The following DNAAF3 variants were observed in gnomAD, a reference collection of about 807,000 sequenced individuals.
DNAAF3 encodes the protein dynein axonemal assembly factor 3.
DNAAF3 carries 40 observed loss-of-function variants against 50.9 expected under a neutral mutation model. The observed-to-expected ratio is 0.79, with a 90% CI of 0.61 to 1.02. DNAAF3 has a LOEUF of 1.02. Ranked by LOEUF, DNAAF3 falls within the 50% of genes least tolerant of loss-of-function variation. The probability of loss-of-function intolerance (pLI) is 0.00; values close to 1 mark genes in which losing one functional copy is unlikely to be tolerated. For synonymous variants in DNAAF3, 327 were observed against 322.8 expected (o/e 1.01, Z -0.14); for missense variants, 763 against 744.7 (o/e 1.02, Z -0.29).
intron 3 of DNAAF3, 197 bp downstream of exon 3, chr19:55,165,661 C>G: frequency 9.8e-7 from 1 of 1,020,890 alleles, no homozygotes; most frequent in South Asian, 1.6e-5. Context: ...TCGAGCTCTT[C>G]CCCACTATAG....
chr19:55,160,896 G>A lies in DNAAF3; in HGVS notation c.913-121C>T. ...CAGCTGCTTGGAGGATGTGAAGTGG[G>A]GCGGGACCTATCCCGCGGGGATGGG... On this transcript the variant is annotated intron_variant, in intron 8 of 11. Transcript: ENST00000524407. The surrounding 1 kb of genome is among the most constrained non-coding windows in gnomAD (Gnocchi z 4.7). The A allele has an allele frequency of 2.0e-6, 3 of 1,464,686 alleles. No individual in the cohort carries two copies. Among genetic ancestry groups the A allele is most frequent in the Non-Finnish European group, 1.8e-6 (2 of 1,110,628 alleles). 90.7% of individuals were successfully genotyped at this position (1,464,686 alleles called of 1,614,324 possible).
In DNAAF3 at chr19:55,166,399, G is replaced by C; in HGVS notation, c.15C>G (p.Ala5=). ...CGGAGCCGAAGCCGCTGCCGGAGCC[G>C]GCAGGTGTGGTCATCACCCTGCGGA... MTTP[A]GSGSGFGSVS... The change falls in exon 2 of 12, where the codon GCC becomes GCG. Residue 5 remains alanine, a synonymous_variant. Transcript: ENST00000524407. This position sits in a 1 kb window ranked among gnomAD's most constrained non-coding sequence, Gnocchi z 4.0. 6.2e-7 allele frequency: 1 copy of C among 1,613,842 alleles called. No individual in the cohort carries two copies. Among genetic ancestry groups the C allele is most frequent in the Non-Finnish European group, 8.5e-7 (1 of 1,179,908 alleles).
Position 55,161,306 on chromosome 19 carries a change from C to T in DNAAF3, c.776G>A (p.Arg259His), listed in dbSNP as rs760466882. 1.4e-5 allele frequency: 23 copies of T among 1,609,866 alleles called. No individual in the cohort carries two copies. The highest frequency in any genetic ancestry group is 1.9e-5 in the Non-Finnish European group (22 of 1,178,026). ...GTGGACACGCACGTAGCTCAGGAGG[C>T]GACCGGACGCCAGGGTCCGGTTGGG... ...HVPNRTLASGRLLSYRGERVA... is the reference protein window; with the variant it reads ...HVPNRTLASGHLLSYRGERVA... Residue 259 changes from arginine (R) to histidine (H), a missense_variant, in exon 7 of 12, where the codon CGC becomes CAC. By Grantham distance (29) the Arg-to-His change is conservative (BLOSUM62 0). Coordinates refer to ENST00000524407, the MANE Select transcript of DNAAF3 (RefSeq NM_001256715.2). The surrounding 1 kb of genome is among the most constrained non-coding windows in gnomAD (Gnocchi z 6.4).
rs1274020104 is a variant in DNAAF3 at position 55,159,975 on chromosome 19, G to T, written c.1087C>A (p.Pro363Thr). Residue 363 changes from proline (P) to threonine (T), a missense_variant, in exon 10 of 12, where the codon CCG (proline) becomes ACG (threonine). By Grantham distance (38) the Pro-to-Thr change is conservative (BLOSUM62 -1). Coordinates refer to ENST00000524407, the MANE Select transcript of DNAAF3 (RefSeq NM_001256715.2). Reference protein sequence around the residue: ...TPESFTVHFLPLNSAQTLHHK... With the variant: ...TPESFTVHFLTLNSAQTLHHK... ...TGGAGAGTCTGAGCAGAATTGAGCGGCAGGAAGTGGACGGTGAAAGATTCC... is the reference window on the plus strand; with the variant it reads ...TGGAGAGTCTGAGCAGAATTGAGCGTCAGGAAGTGGACGGTGAAAGATTCC... 6.2e-7 allele frequency: 1 copy of T among 1,613,940 alleles called. No individual in the cohort carries two copies. Among genetic ancestry groups the T allele is most frequent in the Non-Finnish European group, 8.5e-7 (1 of 1,179,988 alleles).
chr19:55,163,520 G>A (rs1395373624), intron 4 of DNAAF3, among the ~76,000 whole-genome samples: 1 of 150,824 alleles, frequency 6.6e-6, no homozygotes, highest in Non-Finnish European at 1.5e-5. Flanking sequence ...TCAAACTCGT[G>A]GTCTCAAGCA....
rs755299958 is a variant in DNAAF3, at chr19:55,159,324, C to T, written c.1364G>A (p.Cys455Tyr). The change falls in exon 12 of 12, where the codon TGC becomes TAC. Residue 455 changes from cysteine (C) to tyrosine (Y), a missense_variant. By Grantham distance (194) the Cys-to-Tyr change is radical. Transcript: ENST00000524407. The part of the protein sequence containing the change: ...ARPSETFARF[C>Y]KSQESALGNT... Reference sequence around the variant, plus strand: ...GCCCAGAGCTGATTCCTGGGACTTGCAGAAACGTGCGAAGGTCTCTGAAGG... The same window carrying T: ...GCCCAGAGCTGATTCCTGGGACTTGTAGAAACGTGCGAAGGTCTCTGAAGG... 3.1e-6 allele frequency: 5 copies of T among 1,614,142 alleles called. No homozygotes were observed. Among genetic ancestry groups the T allele is most frequent in the Non-Finnish European group, 3.4e-6 (4 of 1,180,034 alleles).
At position 55,166,145 on chromosome 19, in the gene DNAAF3, C is replaced by A; in HGVS notation, c.86-145G>T. ...AGGGGAGGTGTTTCCTCTGAGTATTCTGGGATTCGCAGTCCGCAGACAGGA... is the reference window on the plus strand; with the variant it reads ...AGGGGAGGTGTTTCCTCTGAGTATTATGGGATTCGCAGTCCGCAGACAGGA... On this transcript the variant is annotated intron_variant, in intron 2 of 11. Coordinates refer to ENST00000524407, the MANE Select transcript of DNAAF3 (RefSeq NM_001256715.2). The surrounding 1 kb of genome is among the most constrained non-coding windows in gnomAD (Gnocchi z 4.0). 1 of 1,556,198 alleles carries A rather than the reference C, an allele frequency of 6.4e-7. No homozygotes were observed. Among genetic ancestry groups the A allele is most frequent in the Non-Finnish European group, 8.7e-7 (1 of 1,151,086 alleles).
chr19:55,161,848 G>C lies in DNAAF3; in HGVS notation c.481-23C>G, dbSNP rs765449334. The C allele has an allele frequency of 2.1e-6, 3 of 1,425,822 alleles. No homozygotes were observed. The highest frequency in any genetic ancestry group is 2.7e-6 in the Non-Finnish European group (3 of 1,092,306). 88.3% of individuals were successfully genotyped at this position (1,425,822 alleles called of 1,614,324 possible). A position where few individuals can be genotyped will look rare whatever the true frequency, so the allele number is the denominator to read the frequency against. On this transcript the variant is annotated intron_variant, in intron 5 of 11. Transcript: ENST00000524407. The surrounding 1 kb of genome is among the most constrained non-coding windows in gnomAD (Gnocchi z 6.4). The stretch of plus-strand genomic sequence containing the variant: ...GAACTGCGGGGCCAGGCACGCGGTG[G>C]GACAGAGGAAGGCAGAGAGGGATGC...
rs768432948 is a variant in DNAAF3 at position 55,166,574 on chromosome 19, A to G, written c.-56T>C. 6.2e-7 allele frequency: 1 copy of G among 1,613,942 alleles called. No homozygotes were observed. Among genetic ancestry groups the G allele is most frequent in the East Asian group, 2.2e-5 (1 of 44,898 alleles). ...CCCCTTCCTCTCTGCTCAGTGCAGC[A>G]CTGTGGACCCGCGGCACTCCACAAC... is the stretch of plus-strand genomic sequence containing the variant. On this transcript the variant is annotated 5_prime_UTR_variant, in exon 1 of 12. Coordinates refer to ENST00000524407, the MANE Select transcript of DNAAF3 (RefSeq NM_001256715.2). This position sits in a 1 kb window ranked among gnomAD's most constrained non-coding sequence, Gnocchi z 4.0.
rs751749516 is a variant in DNAAF3, at chr19:55,159,193, C to T, written c.1495G>A (p.Gly499Ser). The T allele has an allele frequency of 6.2e-7, 1 of 1,613,918 alleles. No individual in the cohort carries two copies. Among genetic ancestry groups the T allele is most frequent in the Admixed American group, 1.7e-5 (1 of 60,028 alleles). Reference protein sequence around the residue: ...ALEGLTQPLQGGTPHCEPCQL... With the variant: ...ALEGLTQPLQSGTPHCEPCQL... Reference sequence around the variant, plus strand: ...CAGGGCTCACAGTGTGGGGTCCCACCCTGCAGAGGCTGGGTCAGGCCCTCA... The same window carrying T: ...CAGGGCTCACAGTGTGGGGTCCCACTCTGCAGAGGCTGGGTCAGGCCCTCA... The change falls in exon 12 of 12, where the codon GGT becomes AGT. Residue 499 changes from glycine to serine, a missense_variant. Coordinates refer to ENST00000524407, the MANE Select transcript of DNAAF3 (RefSeq NM_001256715.2).
chr19:55,161,364 A>G lies in DNAAF3; in HGVS notation c.718T>C (p.Phe240Leu). 1 of 1,529,610 alleles carries G rather than the reference A, an allele frequency of 6.5e-7. No individual in the cohort carries two copies. Among genetic ancestry groups the G allele is most frequent in the East Asian group, 2.6e-5 (1 of 38,406 alleles). 94.8% of individuals were successfully genotyped at this position (1,529,610 alleles called of 1,614,324 possible). Residue 240 changes from phenylalanine (F) to leucine (L), a missense_variant, in exon 7 of 12, where the codon TTT becomes CTT. By Grantham distance (22) the Phe-to-Leu change is conservative. Coordinates refer to ENST00000524407, the MANE Select transcript of DNAAF3 (RefSeq NM_001256715.2). The surrounding 1 kb of genome is among the most constrained non-coding windows in gnomAD (Gnocchi z 6.4). The stretch of plus-strand genomic sequence containing the variant: ...TAGGCGCTGGAGTCCCTGAGTTCAA[A>G]GGCGACGCCTGTGTCCCGCCAGCGT... ...FRRWRDTGVA[F>L]ELRDSSAYHV...
Position 55,161,279 on chromosome 19 carries a change from C to G in DNAAF3, c.789+14G>C. 6.2e-7 allele frequency: 1 copy of G among 1,607,144 alleles called. No individual in the cohort carries two copies. The highest frequency in any genetic ancestry group is 2.2e-5 in the East Asian group (1 of 44,720). ...AGCAGCAGCAGTGGGCCAGGACAGG[C>G]AGTGGACACGCACGTAGCTCAGGAG... On this transcript the variant is annotated intron_variant, in intron 7 of 11. Transcript: ENST00000524407. This position sits in a 1 kb window ranked among gnomAD's most constrained non-coding sequence, Gnocchi z 6.4.
rs2085808098 is a variant in DNAAF3 at position 55,160,718 on chromosome 19, A to G, written c.970T>C (p.Trp324Arg). The change falls in exon 9 of 12, where the codon TGG becomes CGG. Residue 324 changes from tryptophan to arginine, a missense_variant. Transcript: ENST00000524407. The surrounding 1 kb of genome is among the most constrained non-coding windows in gnomAD (Gnocchi z 4.7). Reference sequence around the variant, plus strand: ...CCCCCGGTGGCTCTCGCGCGCCCCCAGGCGGCCACGTCGCGGAGCAGCTCC... The same window carrying G: ...CCCCCGGTGGCTCTCGCGCGCCCCCGGGCGGCCACGTCGCGGAGCAGCTCC... Reference protein sequence around the residue: ...VTELLRDVAAWGRARATGGDL... With the variant: ...VTELLRDVAARGRARATGGDL... 1 of 1,613,054 alleles carries G rather than the reference A, an allele frequency of 6.2e-7. No homozygotes were observed. Among genetic ancestry groups the G allele is most frequent in the Non-Finnish European group, 8.5e-7 (1 of 1,179,842 alleles).
chr19:55,163,171 G>A (rs776493556), intron 4 of DNAAF3, among the ~76,000 whole-genome samples: 1 of 151,384 alleles, frequency 6.6e-6, no homozygotes, highest in Admixed American at 6.6e-5. Flanking sequence ...CACCACACCC[G>A]GCTAATTTTT....
Position 55,166,081 on chromosome 19 carries a change from C to A in DNAAF3, c.86-81G>T, listed in dbSNP as rs2147310937. On this transcript the variant is annotated intron_variant, in intron 2 of 11. Transcript: ENST00000524407. The surrounding 1 kb of genome is among the most constrained non-coding windows in gnomAD (Gnocchi z 4.0). Reference sequence around the variant, plus strand: ...AGCATCCCCTATAAAAAATGGACTACAAATCCCAGTAGGCGTTCCGCCCGT... The same window carrying A: ...AGCATCCCCTATAAAAAATGGACTAAAAATCCCAGTAGGCGTTCCGCCCGT... The A allele has an allele frequency of 6.2e-7, 1 of 1,609,524 alleles. No homozygotes were observed. Among genetic ancestry groups the A allele is most frequent in the South Asian group, 1.1e-5 (1 of 90,374 alleles).
upstream of DNAAF3, chr19:55,166,625 C>T: frequency 6.2e-7 from 1 of 1,613,844 alleles, no homozygotes; most frequent in South Asian, 1.1e-5. The surrounding 1 kb of genome is among the most constrained non-coding windows in gnomAD (Gnocchi z 4.0). Flanking sequence ...CCGCCCTTTT[C>T]GAGGAATCAA....
At chr19:55,165,228 C>CA in intron 4 of DNAAF3, 142 bp downstream of exon 4, 1 of 764,894 alleles carries the variant, frequency 1.3e-6, no homozygotes, top group Non-Finnish European at 2.2e-6. Context: ...GGCTGGAGTG[C>CA]AATGGCGCGA....
chr19:55,163,799 T>C (rs915535662), intron 4 of DNAAF3, among the ~76,000 whole-genome samples: 5 of 152,218 alleles, frequency 3.3e-5, no homozygotes, highest in Admixed American at 2.6e-4. Flanking sequence ...TAGATCAGTT[T>C]AGTTCTAACT....
rs1488659627 is a variant in DNAAF3, at chr19:55,160,935, A to G, written c.912+130T>C. 3 of 1,449,022 alleles carry G rather than the reference A, an allele frequency of 2.1e-6. No homozygotes were observed. The African/African-American group carries it at 4.3e-5, about 21-fold the overall frequency. 89.8% of individuals were successfully genotyped at this position (1,449,022 alleles called of 1,614,324 possible). A position where few individuals can be genotyped will look rare whatever the true frequency, so the allele number is the denominator to read the frequency against. Reference sequence around the variant, plus strand: ...CGCGGGGATGGGGCCTGTTCTCTGAATGGAGTCGTTCCCACCAAGCGACGG... The same window carrying G: ...CGCGGGGATGGGGCCTGTTCTCTGAGTGGAGTCGTTCCCACCAAGCGACGG... On this transcript the variant is annotated intron_variant, in intron 8 of 11. Transcript: ENST00000524407. This position sits in a 1 kb window ranked among gnomAD's most constrained non-coding sequence, Gnocchi z 4.7.
Sources: allele counts gnomAD v4.1 joint callset (sites outside exome capture counted in the v4.1 genomes callset), GRCh38; gene constraint gnomAD v4.1.1; non-coding constraint Gnocchi (gnomAD v3.1); transcripts MANE v1.5; gene names NCBI Gene and HGNC (gene_info 2026-07-23, HGNC 2026-07-21).